ATP11B: variants seen among roughly 807,000 people sequenced by gnomAD.
The protein encoded by ATP11B is phospholipid-transporting ATPase IF.
In ATP11B, 81 loss-of-function variants were observed where a neutral mutation model predicts 157.8. That is an observed-to-expected ratio of 0.51 (90% CI 0.43 to 0.62). The LOEUF (loss-of-function observed/expected upper bound fraction) is 0.62. Among genes scored for constraint, ATP11B ranks in the 20% least tolerant of loss-of-function variants. The pLI is 0.00. For missense variants in ATP11B, 1,165 were observed against 1,402.2 expected, an observed-to-expected ratio of 0.83 and a Z score of 2.70; for synonymous variants, 451 against 469.4, an observed-to-expected ratio of 0.96 and a Z score of 0.51.
intron 1 of ATP11B, among the ~76,000 whole-genome samples, chr3:182,798,078 A>G (rs568809472): frequency 1.1e-4 from 17 of 152,262 alleles, no homozygotes; most frequent in African/African-American, 4.1e-4. Context: ...TTGAGGCTGC[A>G]GTGAGCCATG....
In ATP11B at chr3:182,896,722, G is replaced by T. The variant is rs2108577782; in HGVS notation, c.3005G>T (p.Gly1002Val). ...NGQMFGNWTF[G>V]TLVFTVMVIT... ...TAGATGTTTGGAAACTGGACATTTG[G>T]CACTTTGGTCTTCACAGTCATGGTT... is the stretch of plus-strand genomic sequence containing the variant. Residue 1002 changes from glycine to valine, a missense_variant, in exon 26 of 30, where the codon GGC becomes GTC. Physicochemically the swap from Gly to Val is moderately radical, Grantham distance 109. This residue lies in a region of ATP11B where 303 missense variants were observed against 296.3 expected (regional missense o/e 1.02). Coordinates refer to ENST00000323116, the MANE Select transcript of ATP11B (RefSeq NM_014616.3). 1 of 1,612,966 alleles carries T rather than the reference G, an allele frequency of 6.2e-7. No individual in the cohort carries two copies. The highest frequency in any genetic ancestry group is 1.1e-5 in the South Asian group (1 of 91,028).
intron 1 of ATP11B, among the ~76,000 whole-genome samples, chr3:182,817,918 T>A (rs1717065879): frequency 6.6e-6 from 1 of 152,240 alleles, no homozygotes; most frequent in Non-Finnish European, 1.5e-5. Context: ...AAGATTTACG[T>A]ACTGTTTGAG....
chr3:182,904,354 G>A (rs535053304), intron 28 of ATP11B, among the ~76,000 whole-genome samples: 2 of 152,346 alleles, frequency 1.3e-5, no homozygotes, highest in South Asian at 2.1e-4. Context: ...ACATTGAGCA[G>A]TGAGTGACCA....
chr3:182,908,934 A>G (rs1348968915), intron 28 of ATP11B, among the ~76,000 whole-genome samples: 1 of 152,244 alleles, frequency 6.6e-6, no homozygotes, highest in African/African-American at 2.4e-5. Flanking sequence ...CTTGAAGGCC[A>G]TGCAAGGTGC....
chr3:182,917,042 C>T (rs1725185811), intron 29 of ATP11B: 1 of 985,190 alleles, frequency 1.0e-6, no homozygotes, highest in African/African-American at 1.7e-5. Context: ...AAGGTAGATA[C>T]TGTTCCAGCT....
chr3:182,808,163 G>A (rs1716442441), intron 1 of ATP11B, among the ~76,000 whole-genome samples: 1 of 152,108 alleles, frequency 6.6e-6, no homozygotes, highest in Admixed American at 6.5e-5. Flanking sequence ...AACTACAAGG[G>A]GAATGTAGAT....
At chr3:182,899,720 A>T (rs1723820196) in intron 28 of ATP11B, among the ~76,000 whole-genome samples, 1 of 152,188 alleles carries the variant, frequency 6.6e-6, no homozygotes, top group African/African-American at 2.4e-5. Flanking sequence ...TAAAATTATG[A>T]TAGAAATACC....
chr3:182,883,915 A>G (rs1189628326), intron 21 of ATP11B, among the ~76,000 whole-genome samples: 1 of 144,230 alleles, frequency 6.9e-6, no homozygotes, highest in Non-Finnish European at 1.5e-5. Flanking sequence ...AGATCCCGCC[A>G]CTGCACTCCA....
intron 25 of ATP11B, among the ~76,000 whole-genome samples, chr3:182,892,797 C>T (rs1723263801): frequency 6.6e-6 from 1 of 151,852 alleles, no homozygotes; most frequent in Admixed American, 6.6e-5. Context: ...GTATGACCTG[C>T]CTGAGTTCCT....
intron 8 of ATP11B, among the ~76,000 whole-genome samples, chr3:182,842,894 A>G (rs1719163320): frequency 2.0e-5 from 3 of 152,232 alleles, no homozygotes; most frequent in Admixed American, 1.3e-4. Context: ...TCAGTTGTTA[A>G]TAATTAGTCC....
chr3:182,884,490 T>G (rs1206773535), intron 21 of ATP11B, among the ~76,000 whole-genome samples: 1 of 152,158 alleles, frequency 6.6e-6, no homozygotes, highest in Non-Finnish European at 1.5e-5. Context: ...TCCTTAACTT[T>G]CAATATTATT....
At chr3:182,838,073 G>C (rs757202952) in intron 7 of ATP11B, among the ~76,000 whole-genome samples, 1 of 151,944 alleles carries the variant, frequency 6.6e-6, no homozygotes, top group South Asian at 2.1e-4. Context: ...GTCTTTAGCC[G>C]TTGGCTTTTC....
intron 4 of ATP11B, among the ~76,000 whole-genome samples, chr3:182,830,898 A>C (rs1472459421): frequency 6.6e-6 from 1 of 152,086 alleles, no homozygotes; most frequent in Non-Finnish European, 1.5e-5. Flanking sequence ...ATAATTATTC[A>C]CCTGATGAAT....
chr3:182,869,269 C>T lies in ATP11B; in HGVS notation c.1804C>T (p.Leu602Phe), dbSNP rs1333890711. Reference protein sequence around the residue: ...LFAKGAESSILPKCIGGEIEK... With the variant: ...LFAKGAESSIFPKCIGGEIEK... ...TGCTAAAGGAGCTGAGTCATCAATT[C>T]TCCCTAAATGTATAGGTGGAGAAAT... Residue 602 changes from leucine to phenylalanine, a missense_variant, in exon 17 of 30, where the codon CTC (leucine) becomes TTC (phenylalanine). Physicochemically the swap from Leu to Phe is conservative, Grantham distance 22 (BLOSUM62 0). Around this residue, in one of 4 missense-constraint regions of ATP11B, gnomAD observed 737 missense variants for 930.5 expected, o/e 0.79. Transcript: ENST00000323116. The T allele has an allele frequency of 1.2e-6, 2 of 1,610,888 alleles. No homozygotes were observed. The highest frequency in any genetic ancestry group is 3.3e-5 in the Admixed American group (2 of 59,830).
At chr3:182,909,799 C>T (rs1724639233) in intron 28 of ATP11B, among the ~76,000 whole-genome samples, 1 of 152,112 alleles carries the variant, frequency 6.6e-6, no homozygotes, top group Non-Finnish European at 1.5e-5. Flanking sequence ...CACGGTGGCT[C>T]ATGCTTATAA....
At chr3:182,878,114 G>A (rs1722171633) in intron 19 of ATP11B, among the ~76,000 whole-genome samples, 1 of 152,158 alleles carries the variant, frequency 6.6e-6, no homozygotes, top group Non-Finnish European at 1.5e-5. Flanking sequence ...ATATTGGAGA[G>A]TTAGTAGTAA....
intron 2 of ATP11B, among the ~76,000 whole-genome samples, chr3:182,821,229 C>T (rs1717322555): frequency 6.6e-6 from 1 of 152,142 alleles, no homozygotes; most frequent in South Asian, 2.1e-4. Context: ...CTGCCTCAGC[C>T]TCCCAAGTAG....
At chr3:182,826,243 A>G (rs1231088260) in intron 2 of ATP11B, among the ~76,000 whole-genome samples, 1 of 152,210 alleles carries the variant, frequency 6.6e-6, no homozygotes, top group African/African-American at 2.4e-5. Flanking sequence ...AGTTTTCATA[A>G]GAAATTTTTA....
At chr3:182,875,995 C>G (rs1722014693) in intron 19 of ATP11B, among the ~76,000 whole-genome samples, 1 of 151,770 alleles carries the variant, frequency 6.6e-6, no homozygotes, top group South Asian at 2.1e-4. Context: ...GCCTGTAATC[C>G]CAACACCCTG....
Sources: gnomAD v4.1 joint callset for allele counts (sites outside exome capture counted in the v4.1 genomes callset) on GRCh38, gnomAD v4.1.1 for gene constraint, gnomAD v4.1.1 regional missense constraint, MANE v1.5 for transcripts, NCBI Gene and HGNC (gene_info 2026-07-23, HGNC 2026-07-21) for gene names.